Variants in ZNRF3 observed in about 807,000 individuals in gnomAD.
ZNRF3 encodes E3 ubiquitin-protein ligase ZNRF3.
ZNRF3 carries 23 observed loss-of-function variants against 72.5 expected under a neutral mutation model. The observed-to-expected ratio is 0.32, with a 90% CI of 0.23 to 0.45. The LOEUF (loss-of-function observed/expected upper bound fraction) is 0.45. ZNRF3 is among the 20% of genes least tolerant of loss of function. The pLI, the probability that ZNRF3 is intolerant of heterozygous loss-of-function variation, is 1.00. For synonymous variants in ZNRF3, 610 were observed against 545.3 expected (o/e 1.12, Z -1.65); for missense variants, 1,169 against 1,272.1 (o/e 0.92, Z 1.23).
chr22:28,912,466 C>T (rs998922947), intron 1 of ZNRF3, among the ~76,000 whole-genome samples: 3 of 151,904 alleles, frequency 2.0e-5, no homozygotes, highest in Non-Finnish European at 2.9e-5. Flanking sequence ...TCAAGGAGCC[C>T]GCCTCTTAAA....
At chr22:28,893,488 T>C (rs187227113) in intron 1 of ZNRF3, among the ~76,000 whole-genome samples, 148 of 152,128 alleles carry the variant, frequency 9.7e-4, no homozygotes, top group Admixed American at 2.7e-3. Flanking sequence ...GTAATTTTCT[T>C]TCTTTCTTTT....
At chr22:28,983,742 AC>A (rs2035806656) in intron 1 of ZNRF3, among the ~76,000 whole-genome samples, 1 of 152,182 alleles carries the variant, frequency 6.6e-6, no homozygotes, top group African/African-American at 2.4e-5. Flanking sequence ...GCATCTCTCA[AC>A]GTGTGTCCCA....
At chr22:28,991,005 G>A (rs1429355851) in intron 2 of ZNRF3, among the ~76,000 whole-genome samples, 1 of 152,038 alleles carries the variant, frequency 6.6e-6, no homozygotes, top group Non-Finnish European at 1.5e-5. Context: ...GCATGGGCCA[G>A]GCGTGGTGGC....
chr22:28,924,831 C>T (rs868084786), intron 1 of ZNRF3, among the ~76,000 whole-genome samples: 10 of 152,068 alleles, frequency 6.6e-5, no homozygotes, highest in South Asian at 2.1e-4. Flanking sequence ...CTCATCTGTC[C>T]CTTCCCTAGA....
chr22:28,896,976 C>T (rs2034009647), intron 1 of ZNRF3, among the ~76,000 whole-genome samples: 2 of 152,170 alleles, frequency 1.3e-5, no homozygotes, highest in Non-Finnish European at 2.9e-5. Flanking sequence ...ACTATGTTGC[C>T]TAGACTGGAC....
chr22:28,989,577 G>C (rs1372415459), intron 2 of ZNRF3, among the ~76,000 whole-genome samples: 2 of 152,198 alleles, frequency 1.3e-5, no homozygotes, highest in African/African-American at 4.8e-5. Context: ...TGGCTCTGAA[G>C]AAGCAGGCAG....
chr22:28,909,221 T>C (rs1401311426), intron 1 of ZNRF3, among the ~76,000 whole-genome samples: 1 of 152,160 alleles, frequency 6.6e-6, no homozygotes, highest in East Asian at 1.9e-4. Context: ...TAGGCACACT[T>C]GTCTGAAGAA....
Position 29,044,773 on chromosome 22 carries a change from G to A in ZNRF3, c.634-7G>A, listed in dbSNP as rs767235404. ...CTGTGACTCACTGTGTCTGTGTTCC[G>A]TTCCAGCAACCCACTGAATACTTTG... On this transcript the variant is annotated splice_polypyrimidine_tract_variant and splice_region_variant and intron_variant, in intron 4 of 8. Transcript: ENST00000544604. 44 of 1,608,124 alleles carry A rather than the reference G, an allele frequency of 2.7e-5. No homozygotes were observed. Among genetic ancestry groups the A allele is most frequent in the Non-Finnish European group, 3.7e-5 (43 of 1,174,568 alleles).
intron 2 of ZNRF3, among the ~76,000 whole-genome samples, chr22:29,020,118 A>G (rs535809026): frequency 4.6e-5 from 7 of 152,228 alleles, no homozygotes; most frequent in African/African-American, 1.7e-4. Context: ...TATACTTTAA[A>G]TCATCTCTGA....
At chr22:29,020,403 G>A (rs2036512052) in intron 2 of ZNRF3, among the ~76,000 whole-genome samples, 1 of 151,756 alleles carries the variant, frequency 6.6e-6, no homozygotes, top group African/African-American at 2.4e-5. Context: ...TGGGACTACA[G>A]GTGCATGCCA....
chr22:29,043,191 G>C, intron 3 of ZNRF3, 108 bp from the exon 4 acceptor site: 2 of 1,261,966 alleles, frequency 1.6e-6, no homozygotes, highest in Non-Finnish European at 2.1e-6. Context: ...GGAAGAGCTG[G>C]AGGATTCCAG....
intron 1 of ZNRF3, among the ~76,000 whole-genome samples, chr22:28,921,246 A>G (rs1315548758): frequency 6.6e-6 from 1 of 151,914 alleles, no homozygotes; most frequent in Non-Finnish European, 1.5e-5. Flanking sequence ...TGTTTCACTT[A>G]GGGCTCCATA....
At chr22:28,951,488 C>T (rs2035159974) in intron 1 of ZNRF3, among the ~76,000 whole-genome samples, 1 of 152,150 alleles carries the variant, frequency 6.6e-6, no homozygotes, top group Non-Finnish European at 1.5e-5. Flanking sequence ...TGCCAGCAGC[C>T]CACCAGAAGC....
Position 29,050,640 on chromosome 22 carries a change from C to T in ZNRF3, c.2459C>T (p.Pro820Leu). The T allele has an allele frequency of 6.2e-7, 1 of 1,611,784 alleles. No homozygotes were observed. ...LTEEPPPGCY[P>L]GARDLSQRIP... The stretch of plus-strand genomic sequence containing the variant: ...GAGGAACCACCGCCCGGCTGCTACC[C>T]CGGGGCCCGGGACCTGAGCCAGCGC... The change falls in exon 8 of 9, where the codon CCC becomes CTC. Residue 820 changes from proline (P) to leucine (L), a missense_variant. Transcript: ENST00000544604.
chr22:28,947,216 T>TAGTA (rs142414570), intron 1 of ZNRF3, among the ~76,000 whole-genome samples: 4,859 of 152,288 alleles, frequency 0.032, 213 homozygotes, highest in African/African-American at 0.099. Context: ...TATTACTGAG[T>TAGTA]AGTATTTCAT....
intron 8 of ZNRF3, 65 bp downstream of exon 8, chr22:29,051,013 C>G (rs1031395072): frequency 4.1e-6 from 6 of 1,473,482 alleles, no homozygotes; most frequent in Admixed American, 4.6e-5. Flanking sequence ...TGTCTTCTGT[C>G]TTAGGCATTT....
At position 28,924,945 on chromosome 22, in the gene ZNRF3, T is replaced by C. The variant is rs144914427; in HGVS notation, c.300+40879T>C. Among the ~76,000 whole-genome samples the C allele has an allele frequency of 7.9e-3, 1,202 of 152,224 alleles. 17 individuals carry two copies. The highest frequency in any genetic ancestry group is 0.028 in the African/African-American group (1,161 of 41,538). The stretch of plus-strand genomic sequence containing the variant: ...TGAGTGCCAGGATCACCACCACCCC[T>C]AGCCTGAATATTCTCCCAGTCTCTG... On this transcript the variant is annotated intron_variant, in intron 1 of 8. Coordinates refer to ENST00000544604, the MANE Select transcript of ZNRF3 (RefSeq NM_001206998.2).
At chr22:29,008,052 G>A (rs1452852471) in intron 2 of ZNRF3, among the ~76,000 whole-genome samples, 1 of 152,030 alleles carries the variant, frequency 6.6e-6, no homozygotes, top group Non-Finnish European at 1.5e-5. Flanking sequence ...CACGGCGCCC[G>A]GCTCAGAAAT....
chr22:29,053,298 T>G (rs1217335470), intron 8 of ZNRF3, among the ~76,000 whole-genome samples: 1 of 152,220 alleles, frequency 6.6e-6, no homozygotes, highest in East Asian at 1.9e-4. Context: ...TCCCAAGGCC[T>G]GACGCACACC....
Sources: allele counts gnomAD v4.1 joint callset (sites outside exome capture counted in the v4.1 genomes callset), GRCh38; gene constraint gnomAD v4.1.1; transcripts MANE v1.5; gene names NCBI Gene and HGNC (gene_info 2026-07-23, HGNC 2026-07-21).